TAFA5: variants seen among roughly 807,000 people sequenced by gnomAD.
The protein encoded by TAFA5 is chemokine-like protein TAFA-5.
A neutral mutation model predicts 15.3 loss-of-function variants in TAFA5; 6 were observed. The ratio of observed to expected loss-of-function variants is 0.39; its 90% confidence interval spans 0.21 to 0.77. The LOEUF (loss-of-function observed/expected upper bound fraction) is 0.77, where lower values mean the gene tolerates loss of function less well. Ranked by LOEUF, TAFA5 falls within the 30% of genes least tolerant of loss-of-function variation. TAFA5 has a pLI of 0.41. For synonymous variants in TAFA5, 103 were observed against 80.7 expected, an observed-to-expected ratio of 1.28 and a Z score of -1.48; for missense variants, 161 against 193.1, an observed-to-expected ratio of 0.83 and a Z score of 0.98.
intron 3 of TAFA5, among the ~76,000 whole-genome samples, chr22:48,719,908 A>C: frequency 7.4e-6 from 1 of 135,034 alleles, no homozygotes; most frequent in African/African-American, 2.7e-5. Flanking sequence ...AAATGAGCCC[A>C]GAAACAAAAA....
intron 1 of TAFA5, among the ~76,000 whole-genome samples, chr22:48,497,302 C>T (rs1325568014): frequency 6.6e-6 from 1 of 152,196 alleles, no homozygotes; most frequent in African/African-American, 2.4e-5. Context: ...CGGGGCCCGG[C>T]AGGGTTCTTC....
At chr22:48,693,463 A>T (rs966498522) in intron 2 of TAFA5, 3 of 1,590,442 alleles carry the variant, frequency 1.9e-6, no homozygotes, top group Admixed American at 1.8e-5. Context: ...GATGGCTGTG[A>T]CTCAACCATG....
intron 2 of TAFA5, among the ~76,000 whole-genome samples, chr22:48,657,681 G>T (rs773743333): frequency 2.0e-4 from 31 of 152,174 alleles, no homozygotes; most frequent in Admixed American, 6.5e-5. Flanking sequence ...CCACCGTGAT[G>T]GGGACAGTGA....
At chr22:48,542,046 C>G (rs578141597) in intron 1 of TAFA5, among the ~76,000 whole-genome samples, 6 of 150,878 alleles carry the variant, frequency 4.0e-5, no homozygotes, top group African/African-American at 7.4e-5. Context: ...TTGGAGGGGC[C>G]GGGGCGTGTG....
intron 1 of TAFA5, among the ~76,000 whole-genome samples, chr22:48,492,243 G>A (rs1240646516): frequency 6.6e-6 from 1 of 151,878 alleles, no homozygotes; most frequent in Admixed American, 6.6e-5. Context: ...TCGTATTCTC[G>A]TTTGTAAATT....
intron 1 of TAFA5, among the ~76,000 whole-genome samples, chr22:48,562,445 G>C (rs866976000): frequency 6.6e-6 from 1 of 152,202 alleles, no homozygotes; most frequent in Non-Finnish European, 1.5e-5. Context: ...GCCCCGCGGA[G>C]CCTTTCTAGA....
intron 1 of TAFA5, chr22:48,546,589 G>T (rs778494353): frequency 2.1e-6 from 1 of 471,062 alleles, no homozygotes; most frequent in South Asian, 1.5e-5. Context: ...TGCATCCAGC[G>T]AGCTTTGGGG....
intron 3 of TAFA5, among the ~76,000 whole-genome samples, chr22:48,741,643 A>C (rs978397701): frequency 6.6e-6 from 1 of 152,156 alleles, no homozygotes; most frequent in Non-Finnish European, 1.5e-5. Context: ...TTCTAAGAAG[A>C]GGAGGTGAGG....
intron 1 of TAFA5, chr22:48,545,176 C>T (rs1467602441): frequency 9.3e-6 from 3 of 322,824 alleles, no homozygotes; most frequent in Non-Finnish European, 1.8e-5. Context: ...CTCCCTCTTG[C>T]TCTGCCCTCC....
intron 1 of TAFA5, among the ~76,000 whole-genome samples, chr22:48,621,161 ACCCCCCACCCACACTATCCAC>A (rs1227204014): frequency 1.3e-3 from 2 of 1,560 alleles, no homozygotes; most frequent in Non-Finnish European, 2.5e-3. Flanking sequence ...CTATTCACCC[ACCCCCCACCCACACTATCCAC>A]CCCCCCACCC....
chr22:48,700,809 G>T (rs1437626318), intron 2 of TAFA5, among the ~76,000 whole-genome samples: 1 of 152,204 alleles, frequency 6.6e-6, no homozygotes, highest in South Asian at 2.1e-4. Context: ...GTTCGATCCT[G>T]TTATAGCAAA....
At chr22:48,615,475 G>C (rs1313848583) in intron 1 of TAFA5, among the ~76,000 whole-genome samples, 1 of 152,230 alleles carries the variant, frequency 6.6e-6, no homozygotes, top group African/African-American at 2.4e-5. Context: ...CTAGCTGTGG[G>C]GGCCATGCTC....
chr22:48,751,481 C>T lies in TAFA5; in HGVS notation c.*1634C>T, dbSNP rs981105789. ...AACATGAGTATTATGCTAGTTCTAT[C>T]CTACTAAAAAAAACGTAAAAAAATA... On this transcript the variant is annotated 3_prime_UTR_variant, in exon 4 of 4. Transcript: ENST00000402357. 6.6e-6 allele frequency: 1 copy of T among 152,360 alleles called. No individual in the cohort carries two copies. Among genetic ancestry groups the T allele is most frequent in the East Asian group, 1.9e-4 (1 of 5,198 alleles). The allele number at this position is 152,360 out of a possible 1,614,324, so 9.4% of individuals were successfully genotyped here.
At chr22:48,615,013 T>G (rs1193097592) in intron 1 of TAFA5, among the ~76,000 whole-genome samples, 1 of 152,166 alleles carries the variant, frequency 6.6e-6, no homozygotes, top group African/African-American at 2.4e-5. Context: ...TCATCCTTTT[T>G]CTTTACAATT....
chr22:48,693,907 G>T (rs1012792011), intron 2 of TAFA5, among the ~76,000 whole-genome samples: 1 of 152,162 alleles, frequency 6.6e-6, no homozygotes, highest in South Asian at 2.1e-4. Context: ...TGTTTCCGCC[G>T]GGTGGGGAAA....
intron 2 of TAFA5, among the ~76,000 whole-genome samples, chr22:48,650,477 C>T (rs967313539): frequency 2.0e-5 from 3 of 152,146 alleles, no homozygotes; most frequent in Admixed American, 6.5e-5. Flanking sequence ...CTTTTTCCCG[C>T]TGGGACCTCA....
At chr22:48,515,658 T>C (rs1601843546) in intron 1 of TAFA5, among the ~76,000 whole-genome samples, 1 of 151,970 alleles carries the variant, frequency 6.6e-6, no homozygotes, top group South Asian at 2.1e-4. Flanking sequence ...TGAGGCCTCA[T>C]TGCACCCGGC....
At chr22:48,690,784 C>T (rs934177586) in intron 2 of TAFA5, among the ~76,000 whole-genome samples, 7 of 152,200 alleles carry the variant, frequency 4.6e-5, no homozygotes, top group Non-Finnish European at 1.0e-4. Context: ...AATGAGTGGC[C>T]TTGGCCTCTG....
At chr22:48,569,229 T>C (rs1257291325) in intron 1 of TAFA5, among the ~76,000 whole-genome samples, 18 of 152,154 alleles carry the variant, frequency 1.2e-4, no homozygotes, top group Non-Finnish European at 1.5e-5. Context: ...GGACGATGGA[T>C]GCAGGGCCAC....
Sources: gnomAD v4.1 joint callset for allele counts (sites outside exome capture counted in the v4.1 genomes callset) on GRCh38, gnomAD v4.1.1 for gene constraint, MANE v1.5 for transcripts, NCBI Gene and HGNC (gene_info 2026-07-23, HGNC 2026-07-21) for gene names.